RTL9: variants seen among roughly 807,000 people sequenced by gnomAD.
The protein encoded by RTL9 is retrotransposon Gag like 9, also known as retrotransposon Gag-like protein 9.
RTL9 carries 19 observed loss-of-function variants against 44.7 expected under a neutral mutation model. The ratio of observed to expected loss-of-function variants is 0.42; its 90% confidence interval spans 0.30 to 0.62. The LOEUF (loss-of-function observed/expected upper bound fraction) is 0.62. Among genes scored for constraint, RTL9 ranks in the 20% least tolerant of loss-of-function variants. The probability of loss-of-function intolerance (pLI) is 0.16; values close to 1 mark genes in which losing one functional copy is unlikely to be tolerated. For missense variants in RTL9, 1,105 were observed against 1,080.6 expected (o/e 1.02, Z -0.32); for synonymous variants, 407 against 398.9 (o/e 1.02, Z -0.24).
chrX:110,455,858 C>A (rs890040239), exon 2 of RTL9: 1 of 112,547 alleles, frequency 8.9e-6, no homozygotes, highest in African/African-American at 3.3e-5. Flanking sequence ...CTGAACCATT[C>A]GTTTTGACCC....
At chrX:110,399,254 G>C (rs181446451) in intron 1 of RTL9, among the ~76,000 whole-genome samples, 43 of 112,469 alleles carry the variant, frequency 3.8e-4, no homozygotes, top group African/African-American at 1.3e-3. Context: ...TTCAAGGTAG[G>C]CACATTCAAC....
intron 1 of RTL9, among the ~76,000 whole-genome samples, chrX:110,403,566 C>T (rs770594234): frequency 9.0e-6 from 1 of 111,345 alleles, no homozygotes; most frequent in Non-Finnish European, 1.9e-5. Flanking sequence ...ACAGGCTCTG[C>T]CCACATTCTG....
At chrX:110,430,568 C>T (rs1304577491) in intron 1 of RTL9, among the ~76,000 whole-genome samples, 1 of 111,762 alleles carries the variant, frequency 8.9e-6, no homozygotes, top group Non-Finnish European at 1.9e-5. Context: ...AAGAGGTCAA[C>T]AGTAGTGACA....
chrX:110,448,428 T>C (rs1273492353), upstream of RTL9, among the ~76,000 whole-genome samples: 3 of 109,583 alleles, frequency 2.7e-5, no homozygotes, highest in East Asian at 8.6e-4. Context: ...ACCCTTTTCA[T>C]CTCATCTTTT....
At chrX:110,391,855 T>C (rs1161829547) in intron 1 of RTL9, among the ~76,000 whole-genome samples, 1 of 112,269 alleles carries the variant, frequency 8.9e-6, no homozygotes, top group Non-Finnish European at 1.9e-5. Flanking sequence ...CCAGATGTTT[T>C]GGCATCACAG....
exon 1 of RTL9, chrX:110,450,885 C>A (rs1284945555): frequency 1.5e-5 from 18 of 1,210,194 alleles, no homozygotes; most frequent in Non-Finnish European, 2.0e-5. Flanking sequence ...ATTGTCCCCA[C>A]CCCTAATGCC....
At chrX:110,423,301 C>T (rs55751827) in intron 1 of RTL9, among the ~76,000 whole-genome samples, 1 of 105,905 alleles carries the variant, frequency 9.4e-6, no homozygotes, top group Non-Finnish European at 1.9e-5. Flanking sequence ...GCACTCCAAC[C>T]TGGGCAACAA....
intron 1 of RTL9, among the ~76,000 whole-genome samples, chrX:110,437,669 TC>T (rs201059404): frequency 0.026 from 2,948 of 111,629 alleles, 92 homozygotes; most frequent in African/African-American, 0.089. Flanking sequence ...ACCATGAATC[TC>T]CTTGGGAATG....
chrX:110,369,308 G>A (rs2068321096), intron 1 of RTL9, among the ~76,000 whole-genome samples: 1 of 111,095 alleles, frequency 9.0e-6, no homozygotes, highest in Admixed American at 9.5e-5. Flanking sequence ...CTACAGCCTG[G>A]GCGACAGAGC....
Position 110,455,558 on chromosome X carries a change from G to A in RTL9, c.*237G>A, listed in dbSNP as rs372761461. The A allele has an allele frequency of 4.1e-4, 126 of 305,038 alleles. 2 individuals carry two copies. The South Asian group carries it at 0.015, about 36-fold the overall frequency. 25.1% of individuals were successfully genotyped at this position (305,038 alleles called of 1,213,427 possible). A position where few individuals can be genotyped will look rare whatever the true frequency, so the allele number is the denominator to read the frequency against. On this transcript the variant is annotated 3_prime_UTR_variant, in exon 2 of 2. Coordinates refer to ENST00000540313, the Ensembl canonical transcript of RTL9. The stretch of plus-strand genomic sequence containing the variant: ...GACTACAAGAGTGTATGGTGTATGA[G>A]GTTCTGAACTCCCATCACCACCGAG...
At chrX:110,402,138 T>A in intron 1 of RTL9, among the ~76,000 whole-genome samples, 1 of 112,626 alleles carries the variant, frequency 8.9e-6, no homozygotes. Flanking sequence ...CTGATTTGAA[T>A]CGGAAAACAG....
intron 1 of RTL9, among the ~76,000 whole-genome samples, chrX:110,390,903 A>T (rs1429461943): frequency 8.9e-6 from 1 of 111,881 alleles, no homozygotes; most frequent in East Asian, 2.8e-4. Context: ...AACCAGCTTC[A>T]GTGGTGAACA....
At chrX:110,379,347 A>G (rs2068402575) in intron 1 of RTL9, among the ~76,000 whole-genome samples, 1 of 112,275 alleles carries the variant, frequency 8.9e-6, no homozygotes, top group Non-Finnish European at 1.9e-5. Flanking sequence ...TATTCTTTTC[A>G]TATTCTTTGA....
chrX:110,377,159 A>G (rs1355309451), intron 1 of RTL9, among the ~76,000 whole-genome samples: 1 of 111,888 alleles, frequency 8.9e-6, no homozygotes. Flanking sequence ...CCCAAGTCCA[A>G]TCTTGGAATC....
intron 1 of RTL9, among the ~76,000 whole-genome samples, chrX:110,441,458 C>T (rs769908208): frequency 1.8e-5 from 2 of 112,079 alleles, no homozygotes; most frequent in Non-Finnish European, 3.8e-5. Flanking sequence ...GCAAGTAGCT[C>T]AATGCTTAGT....
chrX:110,364,080 G>T (rs1272910642), intron 1 of RTL9, among the ~76,000 whole-genome samples: 2 of 111,143 alleles, frequency 1.8e-5, no homozygotes, highest in Non-Finnish European at 3.8e-5. Flanking sequence ...GTGTTGGCAG[G>T]GCCATGCTCC....
At chrX:110,379,898 T>C (rs1038173953) in intron 1 of RTL9, among the ~76,000 whole-genome samples, 5 of 111,878 alleles carry the variant, frequency 4.5e-5, no homozygotes, top group Non-Finnish European at 9.4e-5. Flanking sequence ...GATGTATCTA[T>C]ATATATCATA....
intron 1 of RTL9, among the ~76,000 whole-genome samples, chrX:110,378,813 C>T (rs1023981615): frequency 9.0e-5 from 10 of 111,353 alleles, no homozygotes; most frequent in Admixed American, 6.6e-4. Context: ...CCCCGACCCC[C>T]GCTGCCCACT....
chrX:110,453,186 G>A (rs2068956739), exon 1 of RTL9: 1 of 1,210,216 alleles, frequency 8.3e-7, no homozygotes, highest in Non-Finnish European at 1.1e-6. Flanking sequence ...AGCCTCTGGA[G>A]GGATGTCCAT....
Sources: allele counts gnomAD v4.1 joint callset (sites outside exome capture counted in the v4.1 genomes callset), GRCh38; gene constraint gnomAD v4.1.1; transcripts MANE v1.5; gene names NCBI Gene and HGNC (gene_info 2026-07-23, HGNC 2026-07-21).